LRP1B: variants seen among roughly 807,000 people sequenced by gnomAD.
The protein encoded by LRP1B is LDL receptor related protein 1B.
A neutral mutation model predicts 556.6 loss-of-function variants in LRP1B; 217 were observed. The observed-to-expected ratio is 0.39, with a 90% confidence interval of 0.35 to 0.44. The LOEUF (loss-of-function observed/expected upper bound fraction) is 0.44, where lower values mean the gene tolerates loss of function less well. LRP1B is among the 20% of genes least tolerant of loss of function. LRP1B has a pLI of 1.00. For missense variants in LRP1B, 5,053 were observed against 5,620.8 expected (o/e 0.90, Z 3.23); for synonymous variants, 2,047 against 1,865.8 (o/e 1.10, Z -2.50).
chr2:140,972,257 A>G (rs1696447260), intron 18 of LRP1B, among the ~76,000 whole-genome samples: 1 of 152,180 alleles, frequency 6.6e-6, no homozygotes, highest in Admixed American at 6.5e-5. Context: ...CTAAAATATA[A>G]AAGTATGGAA....
chr2:141,741,711 G>A (rs1414474661), intron 2 of LRP1B, among the ~76,000 whole-genome samples: 1 of 152,124 alleles, frequency 6.6e-6, no homozygotes, highest in Non-Finnish European at 1.5e-5. Flanking sequence ...CAGATGGGTA[G>A]TTTGCCAATA....
intron 1 of LRP1B, among the ~76,000 whole-genome samples, chr2:141,849,653 G>A (rs901529331): frequency 6.6e-6 from 1 of 151,578 alleles, no homozygotes; most frequent in African/African-American, 2.4e-5. Context: ...CTGTGCAAAA[G>A]TTATAGCTTA....
rs111805919 is a variant in LRP1B, at chr2:140,434,155, C to T, written c.10414+8349G>A. 2.0e-4 allele frequency among the ~76,000 whole-genome samples: 30 copies of T among 152,016 alleles called. 1 individual carries two copies. Among genetic ancestry groups the T allele is most frequent in the African/African-American group, 5.8e-4 (24 of 41,470 alleles). The stretch of plus-strand genomic sequence containing the variant: ...TGCGATCTCTGCTCACTGCAACCTC[C>T]GCCTCCTGGGTTCAAACGATTCTCC... On this transcript the variant is annotated intron_variant, in intron 66 of 90. Coordinates refer to ENST00000389484, the MANE Select transcript of LRP1B (RefSeq NM_018557.3).
At position 140,247,120 on chromosome 2, in the gene LRP1B, G is replaced by A. The variant is rs763569928; in HGVS notation, c.13290C>T (p.Ala4430=). Reference sequence around the variant, plus strand: ...TATGATCAGACTTGCTGCTCTTTGGGGCTGGCCTTTCACACTGTGTGCCTG... The same window carrying A: ...TATGATCAGACTTGCTGCTCTTTGGAGCTGGCCTTTCACACTGTGTGCCTG... ...NWSGTQCERP[A]PKSSKSDHIS... Residue 4430 remains alanine, a synonymous_variant, in exon 87 of 91, where the codon GCC becomes GCT. Transcript: ENST00000389484. 44 of 1,609,320 alleles carry A rather than the reference G, an allele frequency of 2.7e-5. No individual in the cohort carries two copies. Among genetic ancestry groups the A allele is most frequent in the Non-Finnish European group, 3.7e-5 (43 of 1,176,818 alleles).
chr2:141,204,505 G>T (rs1289548655), intron 6 of LRP1B, among the ~76,000 whole-genome samples: 3 of 152,134 alleles, frequency 2.0e-5, no homozygotes, highest in Non-Finnish European at 4.4e-5. Context: ...AGAAATTGGG[G>T]TGTTATTTTC....
chr2:141,752,345 T>C (rs967588537), intron 2 of LRP1B, among the ~76,000 whole-genome samples: 21 of 152,148 alleles, frequency 1.4e-4, no homozygotes, highest in African/African-American at 4.8e-4. Flanking sequence ...TCATAAGGAA[T>C]TTCAAACATT....
chr2:141,113,688 T>G (rs1185916962), intron 7 of LRP1B, among the ~76,000 whole-genome samples: 5 of 152,166 alleles, frequency 3.3e-5, no homozygotes, highest in Non-Finnish European at 7.4e-5. Context: ...AAAATGTAAA[T>G]ATTTTACTCT....
intron 2 of LRP1B, among the ~76,000 whole-genome samples, chr2:141,538,398 T>A (rs573759676): frequency 6.6e-6 from 1 of 152,284 alleles, no homozygotes; most frequent in East Asian, 1.9e-4. Context: ...AAGCTTTAAC[T>A]GCTCTTTCCT....
intron 31 of LRP1B, among the ~76,000 whole-genome samples, chr2:140,824,207 T>C (rs1464223388): frequency 2.6e-5 from 4 of 152,110 alleles, no homozygotes; most frequent in Non-Finnish European, 4.4e-5. Context: ...AGCTATTAAA[T>C]ATATTTTAAG....
chr2:141,815,372 C>A (rs981697916), intron 1 of LRP1B, among the ~76,000 whole-genome samples: 2 of 152,072 alleles, frequency 1.3e-5, no homozygotes, highest in Non-Finnish European at 2.9e-5. Context: ...ACTTGGAGAA[C>A]TTTTCTGTCG....
Position 140,253,948 on chromosome 2 carries a change from G to C in LRP1B, c.13248-6786C>G, listed in dbSNP as rs371683937. Among the ~76,000 whole-genome samples the C allele has an allele frequency of 6.2e-4, 95 of 152,128 alleles. No homozygotes were observed. In the Middle Eastern group the frequency reaches 0.037, roughly 60 times the overall value. ...CAAGATGAAGGCCAGTTCCAAAATT[G>C]GTTTAAAAATACAAAGCCATGGGGG... On this transcript the variant is annotated intron_variant, in intron 86 of 90. Transcript: ENST00000389484.
chr2:140,656,154 C>A (rs1456684733), intron 41 of LRP1B, among the ~76,000 whole-genome samples: 1 of 152,138 alleles, frequency 6.6e-6, no homozygotes. Context: ...TCAGTGATTT[C>A]ATAATTATCC....
intron 2 of LRP1B, among the ~76,000 whole-genome samples, chr2:141,730,632 CT>C: frequency 6.6e-6 from 1 of 152,122 alleles, no homozygotes; most frequent in African/African-American, 2.4e-5. Context: ...CAATTTATGC[CT>C]GAAAATGATA....
At chr2:141,745,893 C>T (rs968614286) in intron 2 of LRP1B, among the ~76,000 whole-genome samples, 1 of 151,560 alleles carries the variant, frequency 6.6e-6, no homozygotes, top group African/African-American at 2.4e-5. Context: ...CTTTAGTCAG[C>T]AGGTGACGTA....
intron 1 of LRP1B, among the ~76,000 whole-genome samples, chr2:142,057,217 T>A (rs1168947685): frequency 1.3e-5 from 2 of 152,114 alleles, no homozygotes; most frequent in Non-Finnish European, 2.9e-5. Flanking sequence ...GCACCTTAAT[T>A]ACCCCAATCC....
intron 11 of LRP1B, among the ~76,000 whole-genome samples, chr2:141,031,216 T>G (rs1182257239): frequency 2.0e-5 from 3 of 151,172 alleles, no homozygotes; most frequent in African/African-American, 7.3e-5. Context: ...TCATGATTTT[T>G]CTGGAGGAGC....
rs375189971 is a variant in LRP1B at position 140,510,063 on chromosome 2, C to G, written c.8270-7G>C. ...GCAGCACAGGTTATGGCACCTGAAA[C>G]ACAAAAACATAATGCCATTAAGATT... is the stretch of plus-strand genomic sequence containing the variant. On this transcript the variant is annotated splice_region_variant and splice_polypyrimidine_tract_variant and intron_variant, in intron 51 of 90. Coordinates refer to ENST00000389484, the MANE Select transcript of LRP1B (RefSeq NM_018557.3). The G allele has an allele frequency of 5.0e-6, 8 of 1,612,084 alleles. No individual in the cohort carries two copies. Among genetic ancestry groups the G allele is most frequent in the Non-Finnish European group, 5.9e-6 (7 of 1,179,518 alleles).
intron 3 of LRP1B, among the ~76,000 whole-genome samples, chr2:141,416,523 G>C (rs1472797470): frequency 7.1e-6 from 1 of 140,916 alleles, no homozygotes; most frequent in Non-Finnish European, 1.5e-5. Context: ...ATGCAATCTC[G>C]GCTCACCACA....
intron 7 of LRP1B, among the ~76,000 whole-genome samples, chr2:141,101,984 G>A (rs999061184): frequency 8.5e-5 from 13 of 152,200 alleles, no homozygotes; most frequent in East Asian, 1.9e-4. Flanking sequence ...CAGATATAAC[G>A]GAGATTAAGT....
Sources: gnomAD v4.1 joint callset for allele counts (sites outside exome capture counted in the v4.1 genomes callset) on GRCh38, gnomAD v4.1.1 for gene constraint, MANE v1.5 for transcripts, NCBI Gene and HGNC (gene_info 2026-07-23, HGNC 2026-07-21) for gene names.